The following KTN1 variants were observed in gnomAD, a reference collection of about 807,000 sequenced individuals.
The protein encoded by KTN1 is kinectin 1, also known as kinectin.
In KTN1, 130 loss-of-function variants were observed where a neutral mutation model predicts 222.5. The ratio of observed to expected loss-of-function variants is 0.58; its 90% CI spans 0.51 to 0.68. The LOEUF is 0.68. KTN1 is among the 30% of genes least tolerant of loss of function. KTN1 has a pLI of 0.00. For synonymous variants in KTN1, 512 were observed against 496.3 expected, an observed-to-expected ratio of 1.03 and a Z score of -0.42; for missense variants, 1,508 against 1,500.4, an observed-to-expected ratio of 1.01 and a Z score of -0.08.
rs746076704 is a variant in KTN1, at chr14:55,616,586, A to G, written c.593A>G (p.Gln198Arg). The G allele has an allele frequency of 6.2e-7, 1 of 1,608,972 alleles. No individual in the cohort carries two copies. The highest frequency in any genetic ancestry group is 8.5e-7 in the Non-Finnish European group (1 of 1,178,534). ...SKRQEALPLHQETKQESGSGK... is the reference protein window; with the variant it reads ...SKRQEALPLHRETKQESGSGK... ...AGGCAAGAAGCATTGCCCCTCCACCAAGAGACTAAACAAGAAAGTGGATCA... is the reference window on the plus strand; with the variant it reads ...AGGCAAGAAGCATTGCCCCTCCACCGAGAGACTAAACAAGAAAGTGGATCA... The change falls in exon 3 of 44, where the codon CAA becomes CGA. Residue 198 changes from glutamine (Q) to arginine (R), a missense_variant. Transcript: ENST00000395314.
Position 55,618,113 on chromosome 14 carries a change from C to T in KTN1, c.811C>T (p.Leu271=), listed in dbSNP as rs769655944. ...EGIQKSGTKK[L]KTETDKENAE... is the part of the protein sequence containing the mutation. ...GATCCAGAAATCTGGGACTAAAAAACTGAAGACCGAAACTGACAAAGGTAA... is the reference window on the plus strand; with the variant it reads ...GATCCAGAAATCTGGGACTAAAAAATTGAAGACCGAAACTGACAAAGGTAA... Residue 271 remains leucine, a synonymous_variant, in exon 4 of 44, where the codon CTG becomes TTG. Transcript: ENST00000395314. 5 of 1,611,386 alleles carry T rather than the reference C, an allele frequency of 3.1e-6. No homozygotes were observed. The African/African-American group carries it at 5.3e-5, about 17-fold the overall frequency.
At chr14:55,672,455 A>G (rs1056353697) in intron 37 of KTN1, 175 bp from the exon 38 acceptor site, 7 of 521,422 alleles carry the variant, frequency 1.3e-5, no homozygotes, top group South Asian at 8.5e-5. Flanking sequence ...TTTGGACCAC[A>G]ATTTAAATCA....
intron 14 of KTN1, 97 bp downstream of exon 14, chr14:55,640,100 A>G: frequency 1.3e-6 from 1 of 768,886 alleles, no homozygotes; most frequent in Non-Finnish European, 2.2e-6. Flanking sequence ...AAAAATGGAA[A>G]ATAGTCTAGA....
chr14:55,625,484 T>C (rs1480145980), intron 5 of KTN1, among the ~76,000 whole-genome samples: 1 of 152,190 alleles, frequency 6.6e-6, no homozygotes. Context: ...TCAACTTTCA[T>C]TAATAATAGT....
chr14:55,623,613 G>A (rs925013144), intron 5 of KTN1, among the ~76,000 whole-genome samples: 3 of 152,146 alleles, frequency 2.0e-5, no homozygotes, highest in Non-Finnish European at 2.9e-5. Context: ...TCAATCAGTC[G>A]TCCTGCCTTG....
chr14:55,672,807 A>G, intron 38 of KTN1, 106 bp downstream of exon 38: 2 of 1,049,496 alleles, frequency 1.9e-6, no homozygotes, highest in East Asian at 4.9e-5. Flanking sequence ...TGCTCTTAAT[A>G]TCTTGGGTAG....
chr14:55,650,573 T>A lies in KTN1; in HGVS notation c.2501T>A (p.Leu834Ter). ...VANKEKTVQD[L>*]KQEIKALKEE... ...GTCTGTTTTGTCATTGTCAAGGATT[T>A]GAAACAGGAAATAAAGGCTCTAAAA... The change falls in exon 24 of 44, where the codon TTG (leucine) becomes TAG (stop). Residue 834 changes from leucine (L) to a stop codon, truncating the protein, a stop_gained. Coordinates refer to ENST00000395314, the MANE Select transcript of KTN1 (RefSeq NM_001079521.2). LOFTEE classifies it high-confidence loss of function. The A allele has an allele frequency of 1.9e-6, 3 of 1,610,984 alleles. No individual in the cohort carries two copies. Among genetic ancestry groups the A allele is most frequent in the Non-Finnish European group, 2.5e-6 (3 of 1,177,516 alleles).
intron 43 of KTN1, chr14:55,682,605 C>A (rs2141444263): frequency 6.6e-6 from 1 of 152,254 alleles, no homozygotes; most frequent in Middle Eastern, 3.4e-3. Context: ...CATGTGGCAA[C>A]TCCTTTAATC....
intron 2 of KTN1, 26 bp from the exon 3 acceptor site, chr14:55,616,491 A>AT (rs745876939): frequency 2.7e-5 from 42 of 1,547,018 alleles, no homozygotes; most frequent in East Asian, 1.4e-4. Context: ...TGCCACAATT[A>AT]TTTTTTTTGT....
In KTN1 at chr14:55,679,665, A is replaced by AAG. The variant is rs1275991801; in HGVS notation, c.4052_4053dup (p.His1352SerfsTer6). On this transcript the variant is annotated frameshift_variant, in exon 43 of 44. Coordinates refer to ENST00000395314, the MANE Select transcript of KTN1 (RefSeq NM_001079521.2). LOFTEE classifies it high-confidence loss of function. ...GTAAACCAACAGCTCACAAAGGAGAAAGAGCACTACCAGGTGTTAGGTAAG... is the reference window on the plus strand; with the variant it reads ...GTAAACCAACAGCTCACAAAGGAGAAAGAGAGCACTACCAGGTGTTAGGTAAG... 6.2e-7 allele frequency: 1 copy of AAG among 1,613,900 alleles called. No homozygotes were observed. The highest frequency in any genetic ancestry group is 8.5e-7 in the Non-Finnish European group (1 of 1,179,908).
intron 1 of KTN1, among the ~76,000 whole-genome samples, chr14:55,597,690 C>T (rs112360647): frequency 0.077 from 11,670 of 151,898 alleles, 499 homozygotes; most frequent in South Asian, 0.12. Flanking sequence ...CCCATCTCTA[C>T]TAAAAATACA....
chr14:55,581,004 T>C (rs1310548638), intron 1 of KTN1, among the ~76,000 whole-genome samples: 1 of 152,232 alleles, frequency 6.6e-6, no homozygotes, highest in Non-Finnish European at 1.5e-5. Flanking sequence ...GAAAAATCCA[T>C]GGACCACTCT....
chr14:55,681,464 T>C (rs575557093), intron 43 of KTN1: 39 of 152,346 alleles, frequency 2.6e-4, no homozygotes, highest in African/African-American at 9.4e-4. Flanking sequence ...TTAAGTCTTG[T>C]GAACTATTTT....
chr14:55,634,148 C>CT (rs889216396), intron 8 of KTN1, among the ~76,000 whole-genome samples: 3 of 151,980 alleles, frequency 2.0e-5, no homozygotes, highest in Non-Finnish European at 4.4e-5. Flanking sequence ...AAAAAAGACA[C>CT]TTTCCTTGTG....
At chr14:55,674,179 G>A (rs997680568) in intron 40 of KTN1, 1 of 152,056 alleles carries the variant, frequency 6.6e-6, no homozygotes, top group African/African-American at 2.4e-5. Context: ...ACATTTATGG[G>A]AATCAATTTT....
At chr14:55,662,698 G>A (rs1010337308) in intron 32 of KTN1, among the ~76,000 whole-genome samples, 4 of 152,218 alleles carry the variant, frequency 2.6e-5, no homozygotes, top group South Asian at 4.1e-4. Context: ...TGTGTTTTCT[G>A]TTTTTCAAAG....
At chr14:55,603,091 AT>A (rs935322901) in intron 1 of KTN1, among the ~76,000 whole-genome samples, 1 of 151,784 alleles carries the variant, frequency 6.6e-6, no homozygotes, top group Non-Finnish European at 1.5e-5. Context: ...ACTTGTCCAA[AT>A]TCTGTCTTTT....
chr14:55,596,154 CAAAA>C (rs71448460), intron 1 of KTN1, among the ~76,000 whole-genome samples: 1 of 61,132 alleles, frequency 1.6e-5, no homozygotes, highest in Non-Finnish European at 3.0e-5. Context: ...GACTCAATAG[CAAAA>C]AAAAAAAAAA....
At position 55,612,164 on chromosome 14, in the gene KTN1, C is replaced by G; in HGVS notation, c.116C>G (p.Ala39Gly). ...MKETLYDEVL[A>G]KQKREQKLIP... ...GAAACATTATATGATGAAGTTCTTG[C>G]AAAACAGAAAAGAGAACAAAAGCTT... Residue 39 changes from alanine (A) to glycine (G), a missense_variant, in exon 2 of 44, where the codon GCA becomes GGA. Coordinates refer to ENST00000395314, the MANE Select transcript of KTN1 (RefSeq NM_001079521.2). 6.3e-7 allele frequency: 1 copy of G among 1,581,394 alleles called. No individual in the cohort carries two copies. Among genetic ancestry groups the G allele is most frequent in the Admixed American group, 2.0e-5 (1 of 50,164 alleles).
Sources: allele counts gnomAD v4.1 joint callset (sites outside exome capture counted in the v4.1 genomes callset), GRCh38; gene constraint gnomAD v4.1.1; transcripts MANE v1.5; gene names NCBI Gene and HGNC (gene_info 2026-07-23, HGNC 2026-07-21).